MAPK8IP3: variants seen among roughly 807,000 people sequenced by gnomAD.
MAPK8IP3 encodes mitogen-activated protein kinase 8 interacting protein 3.
A neutral mutation model predicts 157.8 loss-of-function variants in MAPK8IP3; 49 were observed. The observed-to-expected ratio is 0.31, with a 90% CI of 0.25 to 0.39. The LOEUF (loss-of-function observed/expected upper bound fraction) is 0.39, where lower values mean the gene tolerates loss of function less well. Ranked by LOEUF, MAPK8IP3 falls within the 10% of genes least tolerant of loss-of-function variation. MAPK8IP3 has a pLI of 1.00. For synonymous variants in MAPK8IP3, 897 were observed against 777.7 expected (o/e 1.15, Z -2.55); for missense variants, 1,478 against 1,889.4 (o/e 0.78, Z 4.04).
Position 1,765,941 on chromosome 16 carries a change from G to T in MAPK8IP3, c.2447-19G>T. 2 of 1,598,744 alleles carry T rather than the reference G, an allele frequency of 1.3e-6. No individual in the cohort carries two copies. The highest frequency in any genetic ancestry group is 1.7e-5 in the Admixed American group (1 of 58,690). On this transcript the variant is annotated intron_variant, in intron 20 of 31. Transcript: ENST00000610761. ...AGTGGGTTCCCCCGCACAGGCTGACGGGCCGTCCCTCTCCCCAGCGGCCAG... is the reference window on the plus strand; with the variant it reads ...AGTGGGTTCCCCCGCACAGGCTGACTGGCCGTCCCTCTCCCCAGCGGCCAG...
At position 1,732,240 on chromosome 16, in the gene MAPK8IP3, G is replaced by C. The variant is rs774624876; in HGVS notation, c.602+2662G>C. On this transcript the variant is annotated intron_variant, in intron 4 of 31. Coordinates refer to ENST00000610761, the MANE Select transcript of MAPK8IP3 (RefSeq NM_001318852.2). ...CCTACAGAGCTGGGGCAGCTGGAAG[G>C]GGGGAAGCCTGTTTCTGCCCCCAAG... 1.9e-4 allele frequency among the ~76,000 whole-genome samples: 29 copies of C among 152,332 alleles called. No homozygotes were observed. The East Asian group carries it at 1.9e-3, about 10-fold the overall frequency.
At chr16:1,756,908 A>G (rs2041633223) in intron 8 of MAPK8IP3, among the ~76,000 whole-genome samples, 1 of 152,050 alleles carries the variant, frequency 6.6e-6, no homozygotes, top group African/African-American at 2.4e-5. Context: ...TCCCAGAGAG[A>G]TGGATAATGG....
In MAPK8IP3 at chr16:1,706,316, G is replaced by A. The variant is rs1399629759; in HGVS notation, c.-24G>A. On this transcript the variant is annotated 5_prime_UTR_variant, in exon 1 of 32. Transcript: ENST00000610761. The surrounding 1 kb of genome is among the most constrained non-coding windows in gnomAD (Gnocchi z 5.1). Reference sequence around the variant, plus strand: ...GGGCGCGCCGGCCGGATAGCGAGCCGCGCTGGCGGCGGCGGTGGCCGCGAT... The same window carrying A: ...GGGCGCGCCGGCCGGATAGCGAGCCACGCTGGCGGCGGCGGTGGCCGCGAT... 8 of 1,528,336 alleles carry A rather than the reference G, an allele frequency of 5.2e-6. No homozygotes were observed. The highest frequency in any genetic ancestry group is 7.0e-6 in the Non-Finnish European group (8 of 1,137,756). 94.7% of individuals were successfully genotyped at this position (1,528,336 alleles called of 1,614,324 possible). A position where few individuals can be genotyped will look rare whatever the true frequency, so the allele number is the denominator to read the frequency against.
chr16:1,760,746 C>A (rs1057119022), intron 12 of MAPK8IP3, among the ~76,000 whole-genome samples: 2 of 152,214 alleles, frequency 1.3e-5, no homozygotes, highest in African/African-American at 4.8e-5. Flanking sequence ...GCCTGTCTCA[C>A]GCGTTCCTTC....
intron 1 of MAPK8IP3, among the ~76,000 whole-genome samples, chr16:1,715,087 T>C (rs1301406508): frequency 6.6e-6 from 1 of 152,112 alleles, no homozygotes; most frequent in Non-Finnish European, 1.5e-5. Flanking sequence ...TATATATCTA[T>C]TTCCCATCTG....
At chr16:1,753,601 C>T (rs187166879) in intron 8 of MAPK8IP3, among the ~76,000 whole-genome samples, 9 of 151,822 alleles carry the variant, frequency 5.9e-5, no homozygotes, top group East Asian at 4.0e-4. Context: ...CCACCATGCC[C>T]GGCTAATTTT....
chr16:1,768,663 C>CG (rs757413518), intron 31 of MAPK8IP3, 37 bp downstream of exon 31: 12 of 1,610,708 alleles, frequency 7.5e-6, no homozygotes, highest in African/African-American at 2.7e-5. Context: ...AGGTTGGGCG[C>CG]GGGGGGAGCC....
intron 4 of MAPK8IP3, among the ~76,000 whole-genome samples, chr16:1,736,230 AAGCATCCGTGTG>A (rs2039796441): frequency 4.8e-5 from 2 of 41,950 alleles, no homozygotes; most frequent in Non-Finnish European, 8.6e-5. Flanking sequence ...GCGTCCGTGT[AAGCATCCGTGTG>A]AGCGTGTGAC....
At chr16:1,744,717 G>A (rs971402722) in intron 5 of MAPK8IP3, 62 of 985,478 alleles carry the variant, frequency 6.3e-5, no homozygotes, top group Non-Finnish European at 7.3e-5. Flanking sequence ...TGCCTCTCGC[G>A]CCCGCTCTGG....
Position 1,769,664 on chromosome 16 carries a change from GGAA to G in MAPK8IP3, c.*845_*847del, listed in dbSNP as rs1395254447. 1.1e-4 allele frequency: 17 copies of G among 152,602 alleles called. No individual in the cohort carries two copies. Among genetic ancestry groups the G allele is most frequent in the African/African-American group, 2.9e-4 (12 of 41,442 alleles). 9.5% of individuals were successfully genotyped at this position (152,602 alleles called of 1,614,324 possible). ...GCTGCCAGGGCAGGCCCAGGCCTCAGGAAGAAGGGGAGGCCCCTGGCCTCTCCG... is the reference window on the plus strand; with the variant it reads ...GCTGCCAGGGCAGGCCCAGGCCTCAGGAAGGGGAGGCCCCTGGCCTCTCCG... On this transcript the variant is annotated 3_prime_UTR_variant, in exon 32 of 32. Transcript: ENST00000610761.
intron 1 of MAPK8IP3, among the ~76,000 whole-genome samples, chr16:1,712,695 C>T (rs1172179109): frequency 1.3e-5 from 2 of 152,208 alleles, no homozygotes; most frequent in Non-Finnish European, 2.9e-5. Context: ...CCTCATCTGC[C>T]TCTGGTCTTC....
rs150020061 is a variant in MAPK8IP3 at position 1,753,891 on chromosome 16, C to T, written c.1217-4257C>T. On this transcript the variant is annotated intron_variant, in intron 8 of 31. Transcript: ENST00000610761. ...CGTCTTAGAATTGGTATACTAGGAC[C>T]GGCCGGGCACAGTGGCTCACGCCTA... Among the ~76,000 whole-genome samples, 314 of 151,868 alleles carry T rather than the reference C, an allele frequency of 2.1e-3. 5 individuals carry two copies. Among genetic ancestry groups the T allele is most frequent in the Middle Eastern group, 3.4e-3 (1 of 294 alleles).
At chr16:1,708,916 T>C (rs908000544) in intron 1 of MAPK8IP3, among the ~76,000 whole-genome samples, 1 of 152,178 alleles carries the variant, frequency 6.6e-6, no homozygotes, top group Non-Finnish European at 1.5e-5. Flanking sequence ...TTGTAGACCA[T>C]TGTGCCCTGT....
At chr16:1,731,431 G>A (rs934825834) in intron 4 of MAPK8IP3, among the ~76,000 whole-genome samples, 1 of 152,230 alleles carries the variant, frequency 6.6e-6, no homozygotes, top group Non-Finnish European at 1.5e-5. Context: ...TCCCCACAGA[G>A]GTGGGACAAG....
rs551612542 is a variant in MAPK8IP3 at position 1,709,975 on chromosome 16, T to C, written c.318+3318T>C. Among the ~76,000 whole-genome samples, 3 of 152,292 alleles carry C rather than the reference T, an allele frequency of 2.0e-5. No individual in the cohort carries two copies. In the South Asian group the frequency reaches 6.2e-4, roughly 32 times the overall value. On this transcript the variant is annotated intron_variant, in intron 1 of 31. Transcript: ENST00000610761. ...TTCTCTCAACAAGCCCAGATGGTGATGTTTGCTGATCATTCGGCATTTGAT... is the reference window on the plus strand; with the variant it reads ...TTCTCTCAACAAGCCCAGATGGTGACGTTTGCTGATCATTCGGCATTTGAT...
In MAPK8IP3 at chr16:1,766,547, T is replaced by G; in HGVS notation, c.2838T>G (p.Pro946=). Residue 946 remains proline (P), a synonymous_variant, in exon 23 of 32, where the codon CCT becomes CCG. Transcript: ENST00000610761. The part of the protein sequence containing the change: ...PQPGSENGPE[P]DSSSTRPEPE... ...CCTGCAGCGAGAACGGGCCAGAGCC[T>G]GACAGCAGCAGCACACGGCCAGAGC... is the stretch of plus-strand genomic sequence containing the variant. 1 of 1,612,000 alleles carries G rather than the reference T, an allele frequency of 6.2e-7. No homozygotes were observed. Among genetic ancestry groups the G allele is most frequent in the Non-Finnish European group, 8.5e-7 (1 of 1,179,834 alleles).
intron 13 of MAPK8IP3, among the ~76,000 whole-genome samples, 167 bp from the exon 14 acceptor site, chr16:1,762,184 T>A (rs1455916934): frequency 6.6e-6 from 1 of 152,210 alleles, no homozygotes; most frequent in Non-Finnish European, 1.5e-5. Context: ...ATGCCTTTTG[T>A]ATGGTTCCCC....
At chr16:1,767,947 G>C in intron 28 of MAPK8IP3, 29 bp downstream of exon 28, 1 of 1,607,826 alleles carries the variant, frequency 6.2e-7, no homozygotes, top group Non-Finnish European at 8.5e-7. Context: ...TGCAGGGGCA[G>C]TGGTGCTGCC....
Position 1,743,899 on chromosome 16 carries a change from G to A in MAPK8IP3, c.747+423G>A. ...CCTCTACTCTCGGAGGAACGTCAGT[G>A]TCTAGAGTGTGGGGTTTGCCCTCCG... On this transcript the variant is annotated intron_variant, in intron 5 of 31. Coordinates refer to ENST00000610761, the MANE Select transcript of MAPK8IP3 (RefSeq NM_001318852.2). The surrounding 1 kb of genome is among the most constrained non-coding windows in gnomAD (Gnocchi z 5.6). 9 of 1,047,734 alleles carry A rather than the reference G, an allele frequency of 8.6e-6. No homozygotes were observed. The highest frequency in any genetic ancestry group is 1.0e-5 in the Non-Finnish European group (9 of 868,988). 64.9% of individuals were successfully genotyped at this position (1,047,734 alleles called of 1,614,324 possible).
Sources: gnomAD v4.1 joint callset for allele counts (sites outside exome capture counted in the v4.1 genomes callset) on GRCh38, gnomAD v4.1.1 for gene constraint, Gnocchi (gnomAD v3.1) non-coding constraint, MANE v1.5 for transcripts, NCBI Gene and HGNC (gene_info 2026-07-23, HGNC 2026-07-21) for gene names.